GPHN: variants seen among roughly 807,000 people sequenced by gnomAD.
GPHN encodes the protein gephyrin.
Under a neutral mutation model 95.5 loss-of-function variants are expected in GPHN, and 17 were observed. The ratio of observed to expected loss-of-function variants is 0.18; its 90% confidence interval spans 0.12 to 0.27. The LOEUF (loss-of-function observed/expected upper bound fraction) is 0.27, where lower values mean the gene tolerates loss of function less well. Among genes scored for constraint, GPHN ranks in the 10% least tolerant of loss-of-function variants. The probability of loss-of-function intolerance (pLI) is 1.00; values close to 1 mark genes in which losing one functional copy is unlikely to be tolerated. For missense variants in GPHN, 660 were observed against 978.1 expected, an observed-to-expected ratio of 0.67 and a Z score of 4.34; for synonymous variants, 320 against 322.5, an observed-to-expected ratio of 0.99 and a Z score of 0.08.
intron 2 of GPHN, among the ~76,000 whole-genome samples, chr14:66,712,227 T>A (rs751102051): frequency 6.6e-6 from 1 of 152,224 alleles, no homozygotes; most frequent in Non-Finnish European, 1.5e-5. Context: ...AGCATTACTA[T>A]TTCTCCACAT....
chr14:67,196,058 CT>C, the GPHN span, among the ~76,000 whole-genome samples: 1 of 152,024 alleles, frequency 6.6e-6, no homozygotes, highest in African/African-American at 2.4e-5. Context: ...ATAATGCTTT[CT>C]ATGGGAATTT....
At chr14:67,579,310 A>G in the GPHN span, 12 of 1,518,364 alleles carry the variant, frequency 7.9e-6, no homozygotes, top group East Asian at 2.4e-4. Context: ...GGGACTTACC[A>G]TGTGAGGAGC....
At chr14:66,614,305 CAGAACA>C (rs756499480) in intron 1 of GPHN, among the ~76,000 whole-genome samples, 1 of 152,014 alleles carries the variant, frequency 6.6e-6, no homozygotes, top group Non-Finnish European at 1.5e-5. Flanking sequence ...TAAGAGGTAC[CAGAACA>C]AGATTTCAAA....
intron 9 of GPHN, among the ~76,000 whole-genome samples, chr14:66,983,780 A>G (rs2070840157): frequency 6.6e-6 from 1 of 152,200 alleles, no homozygotes; most frequent in South Asian, 2.1e-4. Context: ...CTGAAATGGT[A>G]CAGGAAAAAT....
At chr14:67,500,351 G>T in the GPHN span, among the ~76,000 whole-genome samples, 3 of 151,832 alleles carry the variant, frequency 2.0e-5, no homozygotes, top group Non-Finnish European at 4.4e-5. Context: ...GCGGGCGCCT[G>T]TAATCCCAGC....
At chr14:67,259,452 A>AC in the GPHN span, among the ~76,000 whole-genome samples, 1 of 151,986 alleles carries the variant, frequency 6.6e-6, no homozygotes, top group Non-Finnish European at 1.5e-5. Flanking sequence ...CTCTACTAAA[A>AC]ATATAAAAAA....
At chr14:66,884,909 A>G (rs1292458826) in intron 5 of GPHN, among the ~76,000 whole-genome samples, 3 of 151,492 alleles carry the variant, frequency 2.0e-5, no homozygotes, top group Non-Finnish European at 4.4e-5. Context: ...GAAGAGATTT[A>G]CCATTGTAAT....
chr14:66,970,103 T>C (rs905495237), intron 9 of GPHN, among the ~76,000 whole-genome samples: 2 of 149,226 alleles, frequency 1.3e-5, no homozygotes, highest in African/African-American at 5.0e-5. Flanking sequence ...TTTTTTTTTT[T>C]GCTCTTAGGA....
chr14:66,638,221 A>T (rs8017881), intron 1 of GPHN, among the ~76,000 whole-genome samples: 5 of 151,826 alleles, frequency 3.3e-5, no homozygotes, highest in Non-Finnish European at 7.4e-5. Context: ...ATCACTTGAG[A>T]TCGGGAGTTC....
chr14:67,046,939 T>G (rs2075048070), intron 10 of GPHN, among the ~76,000 whole-genome samples: 1 of 152,178 alleles, frequency 6.6e-6, no homozygotes, highest in Non-Finnish European at 1.5e-5. Context: ...GGACCCTAAC[T>G]ATTTAAGCTG....
At chr14:67,280,849 T>TTCCTTCCTTCCC in the GPHN span, among the ~76,000 whole-genome samples, 74 of 101,498 alleles carry the variant, frequency 7.3e-4, no homozygotes, top group African/African-American at 4.3e-3. Context: ...CCTTCCTTCC[T>TTCCTTCCTTCCC]TCCTTCCCTC....
chr14:66,756,824 T>G (rs1396403722), intron 2 of GPHN, among the ~76,000 whole-genome samples: 1 of 152,240 alleles, frequency 6.6e-6, no homozygotes, highest in Admixed American at 6.5e-5. Flanking sequence ...GAATGAAGTA[T>G]AATAAATCTA....
chr14:67,698,372 G>A, the GPHN span, among the ~76,000 whole-genome samples: 2 of 152,146 alleles, frequency 1.3e-5, no homozygotes, highest in African/African-American at 4.8e-5. Flanking sequence ...AGGCTGAGGT[G>A]GGAGGATTGT....
chr14:67,696,375 G>A, the GPHN span, among the ~76,000 whole-genome samples: 1 of 152,190 alleles, frequency 6.6e-6, no homozygotes, highest in Non-Finnish European at 1.5e-5. Context: ...GGAGCGGTCC[G>A]AAGTCTGACA....
the GPHN span, among the ~76,000 whole-genome samples, chr14:67,267,780 C>G: frequency 6.6e-6 from 1 of 152,122 alleles, no homozygotes; most frequent in Non-Finnish European, 1.5e-5. Flanking sequence ...CAGGAAACCA[C>G]CAAACTGCTT....
At chr14:66,752,385 A>G (rs894988013) in intron 2 of GPHN, among the ~76,000 whole-genome samples, 6 of 152,034 alleles carry the variant, frequency 3.9e-5, no homozygotes, top group African/African-American at 1.4e-4. Context: ...CTAGCTTTTG[A>G]TTTAAAGTGA....
chr14:66,556,609 C>T (rs936439169), intron 1 of GPHN, among the ~76,000 whole-genome samples: 12 of 152,228 alleles, frequency 7.9e-5, no homozygotes, highest in African/African-American at 2.9e-4. Flanking sequence ...TTTATATTCA[C>T]ATCAGTGAAT....
At chr14:67,134,233 G>A (rs117579314) in intron 17 of GPHN, among the ~76,000 whole-genome samples, 1 of 152,236 alleles carries the variant, frequency 6.6e-6, no homozygotes, top group East Asian at 1.9e-4. Flanking sequence ...TGCCTCATGA[G>A]GTAGCACATT....
chr14:67,126,789 A>C (rs1197573917), intron 17 of GPHN, among the ~76,000 whole-genome samples: 1 of 151,874 alleles, frequency 6.6e-6, no homozygotes, highest in East Asian at 1.9e-4. Flanking sequence ...ATAAAGACAC[A>C]TGCACACGTA....
Sources: allele counts gnomAD v4.1 joint callset (sites outside exome capture counted in the v4.1 genomes callset), GRCh38; gene constraint gnomAD v4.1.1; transcripts MANE v1.5; gene names NCBI Gene and HGNC (gene_info 2026-07-23, HGNC 2026-07-21).